SEC16A: variants seen among roughly 807,000 people sequenced by gnomAD.
SEC16A encodes the protein SEC16 homolog A, endoplasmic reticulum export factor.
A neutral mutation model predicts 221.9 loss-of-function variants in SEC16A; 110 were observed. That is an observed-to-expected ratio of 0.50 (90% CI 0.42 to 0.58). The LOEUF (loss-of-function observed/expected upper bound fraction) is 0.58. SEC16A is among the 20% of genes least tolerant of loss of function. The probability of loss-of-function intolerance (pLI) is 0.00; values close to 1 mark genes in which losing one functional copy is unlikely to be tolerated. For missense variants in SEC16A, 3,165 were observed against 3,097.8 expected, an observed-to-expected ratio of 1.02 and a Z score of -0.52; for synonymous variants, 1,393 against 1,257.7, an observed-to-expected ratio of 1.11 and a Z score of -2.28.
chr9:136,478,994 T>C (rs1331214645), intron 1 of SEC16A, among the ~76,000 whole-genome samples, 164 bp from the exon 2 acceptor site: 2 of 152,222 alleles, frequency 1.3e-5, no homozygotes, highest in African/African-American at 4.8e-5. Flanking sequence ...AGCAAGATGT[T>C]ACCTTTGAAC....
Position 136,447,095 on chromosome 9 carries a change from C to G in SEC16A, c.6697+132G>C, listed in dbSNP as rs1837104230. The G allele has an allele frequency of 6.6e-6, 10 of 1,514,134 alleles. No individual in the cohort carries two copies. Among genetic ancestry groups the G allele is most frequent in the African/African-American group, 1.4e-5 (1 of 71,416 alleles). 93.8% of individuals were successfully genotyped at this position (1,514,134 alleles called of 1,614,324 possible). ...GGCAAATCAAAAAAAAAACCACAAA[C>G]CAACCCCAGGCTCTCTGCATGCTGG... On this transcript the variant is annotated intron_variant, in intron 27 of 31. Transcript: ENST00000684901. This position sits in a 1 kb window ranked among gnomAD's most constrained non-coding sequence, Gnocchi z 5.5.
chr9:136,455,749 C>T lies in SEC16A; in HGVS notation c.5709G>A (p.Gln1903=), dbSNP rs764977103. The T allele has an allele frequency of 2.5e-6, 4 of 1,600,180 alleles. No individual in the cohort carries two copies. The South Asian group carries it at 4.5e-5, about 18-fold the overall frequency. Residue 1903 remains glutamine (Q), a synonymous_variant, in exon 20 of 32, where the codon CAG becomes CAA. Transcript: ENST00000684901. ...TCTCGGAACTCGGAGTGCCAGGACA[C>T]TGCTGCGGGAGGGCTCCATCCTGAT... ...VWHQDGALPQ[Q]CPGTPSSEME...
intron 20 of SEC16A, among the ~76,000 whole-genome samples, chr9:136,455,124 G>A (rs1372512886): frequency 1.3e-5 from 2 of 152,180 alleles, no homozygotes; most frequent in Non-Finnish European, 2.9e-5. Context: ...CGTGCAGGCC[G>A]CGCTGGTGAG....
chr9:136,476,274 C>T lies in SEC16A; in HGVS notation c.1342G>A (p.Val448Met), dbSNP rs1841615944. 4 of 1,613,176 alleles carry T rather than the reference C, an allele frequency of 2.5e-6. No homozygotes were observed. The highest frequency in any genetic ancestry group is 3.4e-6 in the Non-Finnish European group (4 of 1,179,876). ...TACTGCGAGCCGCTGGCATCCGGCA[C>T]CCCTGTGCTCGCTGTGTCACCCCAC... ...DVWGDTASTG[V>M]PDASGSQYEN... is the part of the protein sequence containing the mutation. Residue 448 changes from valine (V) to methionine (M), a missense_variant, in exon 3 of 32, where the codon GTG becomes ATG. Around this residue, in one of 3 missense-constraint regions of SEC16A, gnomAD observed 2,030 missense variants for 1,923.1 expected, o/e 1.06. Transcript: ENST00000684901.
upstream of SEC16A, chr9:136,484,563 C>T (rs767990958): frequency 5.7e-5 from 75 of 1,322,378 alleles, no homozygotes; most frequent in Non-Finnish European, 7.3e-5. Context: ...CGCCCGATGG[C>T]ATCGCGGGAG....
chr9:136,471,662 C>T (rs771317198), intron 4 of SEC16A, among the ~76,000 whole-genome samples: 4 of 152,214 alleles, frequency 2.6e-5, no homozygotes, highest in East Asian at 1.9e-4. Flanking sequence ...AGACGTGCCC[C>T]GTCAAGAGGG....
rs542029514 is a variant in SEC16A at position 136,483,039 on chromosome 9, C to T, written c.-293G>A. ...AGCCGCCGCAGCCATCTTGGCACAT[C>T]CGGCTCGGGTCTCCGCGGCCGCCGC... On this transcript the variant is annotated 5_prime_UTR_variant, in exon 1 of 32. Transcript: ENST00000684901. The T allele has an allele frequency of 4.1e-3, 3,998 of 984,974 alleles. 13 individuals carry two copies. The highest frequency in any genetic ancestry group is 4.5e-3 in the Non-Finnish European group (3,714 of 829,568). The allele number at this position is 984,974 out of a possible 1,614,324, so 61.0% of individuals were successfully genotyped here. A position where few individuals can be genotyped will look rare whatever the true frequency, so the allele number is the denominator to read the frequency against.
intron 17 of SEC16A, among the ~76,000 whole-genome samples, chr9:136,458,214 C>T (rs976078036): frequency 7.3e-5 from 11 of 151,592 alleles, no homozygotes; most frequent in African/African-American, 2.7e-4. Flanking sequence ...GGTAATCCAC[C>T]CACCTTGGCC....
At chr9:136,442,143 AGTG>A (rs1268609809) in intron 31 of SEC16A, among the ~76,000 whole-genome samples, 2 of 152,214 alleles carry the variant, frequency 1.3e-5, no homozygotes, top group African/African-American at 4.8e-5. Context: ...TCCAGGGACA[AGTG>A]GTGGCCAGGC....
chr9:136,453,336 C>T, intron 22 of SEC16A, 92 bp downstream of exon 22: 1 of 899,014 alleles, frequency 1.1e-6, no homozygotes, highest in Non-Finnish European at 1.8e-6. Context: ...ATAGTCCTCA[C>T]TACCATCATC....
At chr9:136,483,751 G>C, upstream of SEC16A, 1 of 985,466 alleles carries the variant, frequency 1.0e-6, no homozygotes, top group Non-Finnish European at 1.2e-6. Context: ...ACGCGGGCGC[G>C]CTCCTCGCAT....
rs375117973 is a variant in SEC16A, at chr9:136,465,972, G to C, written c.4293C>G (p.Ala1431=). Residue 1431 remains alanine (A), a synonymous_variant, in exon 8 of 32, where the codon GCC becomes GCG. Transcript: ENST00000684901. ...CTGCTGAGCACACACCTTGCTCCAT[G>C]GCAGGCCAGACGGTGTCGGCAGGGT... ...YGYPADTVWP[A]MEQVSSRPTS... is the part of the protein sequence containing the mutation. 3 of 1,613,194 alleles carry C rather than the reference G, an allele frequency of 1.9e-6. No individual in the cohort carries two copies. The highest frequency in any genetic ancestry group is 2.5e-6 in the Non-Finnish European group (3 of 1,179,858).
Position 136,441,726 on chromosome 9 carries a change from T to TCC in SEC16A, c.*27_*28dup, listed in dbSNP as rs760372132. 2 of 1,608,140 alleles carry TCC rather than the reference T, an allele frequency of 1.2e-6. No individual in the cohort carries two copies. Among genetic ancestry groups the TCC allele is most frequent in the South Asian group, 2.2e-5 (2 of 90,974 alleles). On this transcript the variant is annotated 3_prime_UTR_variant, in exon 32 of 32. Coordinates refer to ENST00000684901, the MANE Select transcript of SEC16A (RefSeq NM_014866.2). ...TCGGGGAGAACAGCAGCGTCAGGGC[T>TCC]CCAAGTGCAAGTTCACAGCAGGGCA... is the stretch of plus-strand genomic sequence containing the variant.
rs1305856272 is a variant in SEC16A, at chr9:136,474,507, G to T, written c.3109C>A (p.Leu1037Ile). 3.1e-6 allele frequency: 5 copies of T among 1,612,914 alleles called. No homozygotes were observed. The highest frequency in any genetic ancestry group is 1.3e-5 in the African/African-American group (1 of 74,934). Residue 1037 changes from leucine to isoleucine, a missense_variant, in exon 3 of 32, where the codon CTT becomes ATT. Transcript: ENST00000684901. ...PRQSGPGAPN[L>I]DRFYQQVTKD... ...GTGACCTGCTGATAAAAACGGTCAA[G>T]GTTAGGCGCCCCAGGCCCAGATTGT...
chr9:136,482,193 C>T (rs1439720859), intron 1 of SEC16A, among the ~76,000 whole-genome samples: 1 of 152,224 alleles, frequency 6.6e-6, no homozygotes, highest in East Asian at 1.9e-4. Context: ...CTGCATTGTG[C>T]TGAAACTTGC....
intron 5 of SEC16A, among the ~76,000 whole-genome samples, chr9:136,467,435 G>A (rs1047139910): frequency 6.6e-6 from 1 of 152,096 alleles, no homozygotes; most frequent in African/African-American, 2.4e-5. Flanking sequence ...GAACTCCTGG[G>A]CTCAAGTGCT....
intron 23 of SEC16A, among the ~76,000 whole-genome samples, chr9:136,449,580 C>T (rs1588886042): frequency 1.3e-5 from 2 of 152,216 alleles, no homozygotes; most frequent in East Asian, 3.9e-4. Context: ...GCAGGAGCTG[C>T]TGCGCCCGGC....
chr9:136,452,449 C>CAAAAAAAAA lies in SEC16A; in HGVS notation c.6159+970_6159+978dup, dbSNP rs752510860. 3.6e-3 allele frequency among the ~76,000 whole-genome samples: 85 copies of CAAAAAAAAA among 23,294 alleles called. 16 individuals carry two copies. The highest frequency in any genetic ancestry group is 5.5e-3 in the Non-Finnish European group (70 of 12,798). 15.3% of individuals were successfully genotyped at this position (23,294 alleles called of 152,430 possible). ...TGGGCGACAGAGAGAAACTCCATCT[C>CAAAAAAAAA]AAAAAAAAAAAAAAAAAAAAAAAAA... is the stretch of plus-strand genomic sequence containing the variant. On this transcript the variant is annotated intron_variant, in intron 22 of 31. Coordinates refer to ENST00000684901, the MANE Select transcript of SEC16A (RefSeq NM_014866.2).
chr9:136,460,853 C>T (rs141286196), intron 13 of SEC16A, among the ~76,000 whole-genome samples: 161 of 152,188 alleles, frequency 1.1e-3, no homozygotes, highest in African/African-American at 3.3e-3. Flanking sequence ...GCAGGGGTTG[C>T]GGTGAGCTGA....
Sources: allele counts gnomAD v4.1 joint callset (sites outside exome capture counted in the v4.1 genomes callset), GRCh38; gene constraint gnomAD v4.1.1; regional missense constraint gnomAD v4.1.1; non-coding constraint Gnocchi (gnomAD v3.1); transcripts MANE v1.5; gene names NCBI Gene and HGNC (gene_info 2026-07-23, HGNC 2026-07-21).